The following CASD1 variants were observed in gnomAD, a reference collection of about 807,000 sequenced individuals.
CASD1 encodes the protein CAS1 domain sialic acid O acetyltransferase 1, also known as N-acetylneuraminate (7)9-O-acetyltransferase.
CASD1 carries 41 observed loss-of-function variants against 100.0 expected under a neutral mutation model. The observed-to-expected ratio is 0.41, with a 90% CI of 0.32 to 0.53. The LOEUF is 0.53. Among genes scored for constraint, CASD1 ranks in the 20% least tolerant of loss-of-function variants. The pLI is 0.25. For synonymous variants in CASD1, 321 were observed against 315.6 expected (o/e 1.02, Z -0.18); for missense variants, 774 against 948.7 (o/e 0.82, Z 2.42).
At chr7:94,542,296 C>T (rs930603548) in intron 10 of CASD1, among the ~76,000 whole-genome samples, 21 of 152,164 alleles carry the variant, frequency 1.4e-4, no homozygotes, top group Admixed American at 6.5e-5. Flanking sequence ...GTGCTAGCCA[C>T]ATTCACTGCA....
chr7:94,536,253 A>G (rs529875941), intron 8 of CASD1, among the ~76,000 whole-genome samples: 2 of 152,318 alleles, frequency 1.3e-5, no homozygotes, highest in African/African-American at 4.8e-5. Context: ...AAGAAAAGAA[A>G]AAAAGAATTC....
chr7:94,604,088 ATATTT>A, the CASD1 span, among the ~76,000 whole-genome samples: 1 of 152,122 alleles, frequency 6.6e-6, no homozygotes, highest in Admixed American at 6.5e-5. Context: ...GGCAAACAAA[ATATTT>A]TGTTGGTTTG....
At chr7:94,562,615 G>A in the CASD1 span, among the ~76,000 whole-genome samples, 5 of 151,228 alleles carry the variant, frequency 3.3e-5, no homozygotes, top group African/African-American at 1.2e-4. Flanking sequence ...CTTTTCAGTC[G>A]ATACAGTTTC....
the CASD1 span, among the ~76,000 whole-genome samples, chr7:94,593,193 T>C: frequency 1.3e-5 from 2 of 152,100 alleles, no homozygotes; most frequent in Non-Finnish European, 2.9e-5. Flanking sequence ...TTAATTCTAC[T>C]TTTATACTTG....
intron 15 of CASD1, chr7:94,552,038 T>G (rs941118696): frequency 7.3e-5 from 18 of 245,452 alleles, no homozygotes; most frequent in African/African-American, 3.9e-4. Flanking sequence ...ACGGGAATTT[T>G]AAAAGTTACA....
chr7:94,596,456 C>G, the CASD1 span, among the ~76,000 whole-genome samples: 1 of 152,096 alleles, frequency 6.6e-6, no homozygotes, highest in Non-Finnish European at 1.5e-5. Context: ...CTCTAAAATT[C>G]TACAGCACTG....
At chr7:94,596,691 G>T in the CASD1 span, among the ~76,000 whole-genome samples, 1 of 152,062 alleles carries the variant, frequency 6.6e-6, no homozygotes, top group East Asian at 1.9e-4. Flanking sequence ...CTTCTTAAAA[G>T]GGCATGCATT....
At chr7:94,551,985 T>C (rs1309768846) in intron 15 of CASD1, 1 of 190,714 alleles carries the variant, frequency 5.2e-6, no homozygotes, top group East Asian at 1.6e-4. Context: ...CTAAAGAGAC[T>C]ATATATAAGT....
At chr7:94,612,625 C>T in the CASD1 span, among the ~76,000 whole-genome samples, 1 of 152,132 alleles carries the variant, frequency 6.6e-6, no homozygotes, top group South Asian at 2.1e-4. Flanking sequence ...TCTGCATATT[C>T]TTTAATGTGA....
At chr7:94,582,131 C>T in the CASD1 span, among the ~76,000 whole-genome samples, 2 of 151,936 alleles carry the variant, frequency 1.3e-5, no homozygotes, top group South Asian at 2.1e-4. Flanking sequence ...TAATGATCAG[C>T]GATGTTGAGC....
the CASD1 span, chr7:94,590,984 T>C: frequency 1.3e-5 from 2 of 152,178 alleles, no homozygotes; most frequent in Non-Finnish European, 2.9e-5. Context: ...AAGATATTAC[T>C]AGGGAAATAA....
At position 94,545,667 on chromosome 7, in the gene CASD1, A is replaced by C; in HGVS notation, c.1599A>C (p.Ala533=). 6.2e-7 allele frequency: 1 copy of C among 1,604,750 alleles called. No homozygotes were observed. The highest frequency in any genetic ancestry group is 8.5e-7 in the Non-Finnish European group (1 of 1,174,578). The part of the protein sequence containing the change: ...VWFMVIYVTL[A]LWPQIIQKKA... ...TCATGGTCATATATGTTACTTTAGC[A>C]CTATGGCCACAAATAATCCAAAAAA... Residue 533 remains alanine, a synonymous_variant, in exon 12 of 18, where the codon GCA becomes GCC. Coordinates refer to ENST00000297273, the MANE Select transcript of CASD1 (RefSeq NM_022900.5).
intron 4 of CASD1, among the ~76,000 whole-genome samples, chr7:94,527,461 A>T (rs1171409690): frequency 1.3e-5 from 2 of 152,184 alleles, no homozygotes; most frequent in Non-Finnish European, 2.9e-5. Context: ...GAATTTTCTG[A>T]ATTCCCAATC....
chr7:94,510,340 A>G, intron 1 of CASD1, 123 bp downstream of exon 1: 11 of 736,718 alleles, frequency 1.5e-5, no homozygotes, highest in Non-Finnish European at 2.1e-5. Context: ...CCCGCGGGGG[A>G]GGCGGTTCCC....
the CASD1 span, among the ~76,000 whole-genome samples, chr7:94,596,607 A>G: frequency 6.6e-6 from 1 of 152,090 alleles, no homozygotes; most frequent in African/African-American, 2.4e-5. Flanking sequence ...ACAGAGAAAT[A>G]AAACCTTTAC....
At chr7:94,564,074 G>GGC in the CASD1 span, among the ~76,000 whole-genome samples, 3 of 151,784 alleles carry the variant, frequency 2.0e-5, no homozygotes, top group African/African-American at 7.3e-5. Flanking sequence ...ACTATTTTAT[G>GGC]ACACAGCAAA....
the CASD1 span, chr7:94,628,091 C>A: frequency 3.9e-6 from 3 of 763,466 alleles, no homozygotes; most frequent in South Asian, 1.6e-5. Context: ...TATTAAAAAC[C>A]ACCATCAGGT....
In CASD1 at chr7:94,541,537, G is replaced by GTTT. The variant is rs56786123; in HGVS notation, c.1356+2509_1356+2511dup. On this transcript the variant is annotated intron_variant, in intron 10 of 17. Transcript: ENST00000297273. ...ACAGTAGGTGATTTGTGTTCCACTGGTTTTTTTTTTTTTTTTTTTTTTTTT... is the reference window on the plus strand; with the variant it reads ...ACAGTAGGTGATTTGTGTTCCACTGGTTTTTTTTTTTTTTTTTTTTTTTTTTTT... 1.3e-3 allele frequency among the ~76,000 whole-genome samples: 80 copies of GTTT among 60,116 alleles called. 12 individuals are homozygous for GTTT. Among genetic ancestry groups the GTTT allele is most frequent in the Non-Finnish European group, 1.7e-3 (59 of 35,196 alleles). 39.4% of individuals were successfully genotyped at this position (60,116 alleles called of 152,430 possible).
At chr7:94,627,830 G>A in the CASD1 span, 2 of 208,236 alleles carry the variant, frequency 9.6e-6, no homozygotes, top group East Asian at 1.2e-4. Context: ...CAAGTAGCAG[G>A]GGTATATGTC....
Sources: allele counts gnomAD v4.1 joint callset (sites outside exome capture counted in the v4.1 genomes callset), GRCh38; gene constraint gnomAD v4.1.1; transcripts MANE v1.5; gene names NCBI Gene and HGNC (gene_info 2026-07-23, HGNC 2026-07-21).